The following EBF1 variants were observed in gnomAD, a reference collection of about 807,000 sequenced individuals.
EBF1 encodes transcription factor COE1.
In EBF1, 10 loss-of-function variants were observed where a neutral mutation model predicts 68.4. That is an observed-to-expected ratio of 0.15 (90% CI 0.09 to 0.25). The LOEUF (loss-of-function observed/expected upper bound fraction) is 0.25. EBF1 is among the 10% of genes least tolerant of loss of function. The pLI is 1.00. For synonymous variants in EBF1, 298 were observed against 299.8 expected (o/e 0.99, Z 0.06); for missense variants, 509 against 794.4 (o/e 0.64, Z 4.32).
At chr5:159,084,571 C>CAAA (rs200028682) in intron 5 of EBF1, 95 bp downstream of exon 5, 94 of 835,502 alleles carry the variant, frequency 1.1e-4, no homozygotes, top group Middle Eastern at 1.1e-3. Context: ...AAATGTGTAC[C>CAAA]AAAAAAAAAA....
chr5:158,924,756 G>A (rs1249836489), intron 6 of EBF1, among the ~76,000 whole-genome samples: 1 of 150,666 alleles, frequency 6.6e-6, no homozygotes, highest in African/African-American at 2.5e-5. Flanking sequence ...CGGAGGCTGA[G>A]GCAGGAGAAT....
At chr5:158,841,537 T>C (rs1168347791) in intron 6 of EBF1, among the ~76,000 whole-genome samples, 6 of 152,238 alleles carry the variant, frequency 3.9e-5, no homozygotes, top group Admixed American at 3.9e-4. Flanking sequence ...TTCCCCTTTC[T>C]TCCACTTCAA....
At chr5:158,887,907 A>G (rs984432448) in intron 6 of EBF1, among the ~76,000 whole-genome samples, 4 of 152,216 alleles carry the variant, frequency 2.6e-5, no homozygotes, top group African/African-American at 9.6e-5. Flanking sequence ...ACACATTTCC[A>G]GGGTTTAAGG....
chr5:158,760,720 A>G (rs1247660174), intron 10 of EBF1, among the ~76,000 whole-genome samples: 4 of 152,124 alleles, frequency 2.6e-5, no homozygotes, highest in Non-Finnish European at 5.9e-5. Context: ...GACTGGATCA[A>G]TACTCCCAGC....
intron 6 of EBF1, among the ~76,000 whole-genome samples, chr5:159,011,469 C>T (rs1052422805): frequency 5.3e-5 from 8 of 152,144 alleles, no homozygotes; most frequent in African/African-American, 1.9e-4. Context: ...TGCTGTCAGC[C>T]CTGAAATTAA....
intron 6 of EBF1, among the ~76,000 whole-genome samples, chr5:158,962,620 G>A (rs180832138): frequency 6.6e-6 from 1 of 152,230 alleles, no homozygotes; most frequent in Non-Finnish European, 1.5e-5. Flanking sequence ...AACTAGCATT[G>A]CTTTCTGTAC....
chr5:158,712,426 C>T, intron 13 of EBF1, 93 bp from the exon 14 acceptor site: 7 of 1,406,328 alleles, frequency 5.0e-6, no homozygotes, highest in Non-Finnish European at 6.8e-6. Context: ...TGTTTCTGGC[C>T]CCGTCGCCGC....
At chr5:158,721,035 C>T (rs1761829459) in intron 11 of EBF1, among the ~76,000 whole-genome samples, 1 of 152,086 alleles carries the variant, frequency 6.6e-6, no homozygotes, top group Non-Finnish European at 1.5e-5. Context: ...TAGACATTTC[C>T]AGAACAAAGG....
intron 7 of EBF1, among the ~76,000 whole-genome samples, chr5:158,832,086 T>G (rs1787713797): frequency 6.6e-6 from 1 of 152,252 alleles, no homozygotes; most frequent in Admixed American, 6.5e-5. Context: ...GGATACCTTT[T>G]GCTGGTAAAT....
rs59274919 is a variant in EBF1 at position 158,909,956 on chromosome 5, T to TAAAAAAAA, written c.555-69854_555-69847dup. On this transcript the variant is annotated intron_variant, in intron 6 of 15. Coordinates refer to ENST00000313708, the MANE Select transcript of EBF1 (RefSeq NM_024007.5). ...TGGTGACAGAACGAGACTCTGTCTA[T>TAAAAAAAA]AAAAAAAAAAAAAAAAAAAAAAAAA... Among the ~76,000 whole-genome samples the TAAAAAAAA allele has an allele frequency of 1.0e-3, 48 of 46,716 alleles. 6 individuals are homozygous for TAAAAAAAA. The highest frequency in any genetic ancestry group is 1.3e-3 in the African/African-American group (18 of 13,608). 30.6% of individuals were successfully genotyped at this position (46,716 alleles called of 152,430 possible). A position where few individuals can be genotyped will look rare whatever the true frequency, so the allele number is the denominator to read the frequency against.
chr5:158,817,363 T>G (rs949655677), intron 8 of EBF1, among the ~76,000 whole-genome samples: 1 of 152,182 alleles, frequency 6.6e-6, no homozygotes, highest in African/African-American at 2.4e-5. Context: ...AGGTAGGACC[T>G]TTAAGAAGTG....
intron 5 of EBF1, among the ~76,000 whole-genome samples, chr5:159,074,513 T>G (rs770488287): frequency 3.3e-5 from 5 of 152,180 alleles, no homozygotes; most frequent in Non-Finnish European, 7.3e-5. Flanking sequence ...CAGAGAGAGA[T>G]ACACACATAC....
At chr5:158,699,961 C>T (rs941931878) in intron 15 of EBF1, among the ~76,000 whole-genome samples, 1 of 152,192 alleles carries the variant, frequency 6.6e-6, no homozygotes, top group Non-Finnish European at 1.5e-5. Context: ...TCAGATAGGC[C>T]TGAGTCCCAC....
chr5:158,792,142 A>C (rs1292191288), intron 9 of EBF1, among the ~76,000 whole-genome samples: 1 of 152,218 alleles, frequency 6.6e-6, no homozygotes. Flanking sequence ...CTAGATTTGT[A>C]TATAAAATAC....
At chr5:158,833,568 G>A (rs1788073365) in intron 7 of EBF1, among the ~76,000 whole-genome samples, 1 of 152,164 alleles carries the variant, frequency 6.6e-6, no homozygotes, top group Admixed American at 6.5e-5. Context: ...ATGGAAGTGA[G>A]CAAATTTGTA....
At chr5:159,019,340 G>A (rs943246797) in intron 6 of EBF1, among the ~76,000 whole-genome samples, 6 of 151,988 alleles carry the variant, frequency 3.9e-5, no homozygotes, top group East Asian at 3.8e-4. Flanking sequence ...TATAAATGTC[G>A]GGCTCATATA....
intron 6 of EBF1, among the ~76,000 whole-genome samples, chr5:158,877,004 G>C (rs1431355137): frequency 1.3e-5 from 2 of 152,172 alleles, no homozygotes; most frequent in Non-Finnish European, 2.9e-5. Flanking sequence ...CACAAAGTCA[G>C]AGAAATACCC....
chr5:158,821,883 G>A (rs1039815839), intron 8 of EBF1, among the ~76,000 whole-genome samples: 2 of 152,206 alleles, frequency 1.3e-5, no homozygotes, highest in African/African-American at 2.4e-5. Context: ...TAAAAAGACT[G>A]TAAAACTGGA....
At chr5:158,708,486 G>A (rs1458917797) in intron 14 of EBF1, among the ~76,000 whole-genome samples, 1 of 152,200 alleles carries the variant, frequency 6.6e-6, no homozygotes, top group Non-Finnish European at 1.5e-5. Context: ...TCAGCCCAAG[G>A]CACTAACCAA....
Sources: gnomAD v4.1 joint callset for allele counts (sites outside exome capture counted in the v4.1 genomes callset) on GRCh38, gnomAD v4.1.1 for gene constraint, MANE v1.5 for transcripts, NCBI Gene and HGNC (gene_info 2026-07-23, HGNC 2026-07-21) for gene names.